MRPS22: variants seen among roughly 807,000 people sequenced by gnomAD.
The protein encoded by MRPS22 is mitochondrial ribosomal protein S22.
A neutral mutation model predicts 44.0 loss-of-function variants in MRPS22; 30 were observed. The ratio of observed to expected loss-of-function variants is 0.68; its 90% CI spans 0.51 to 0.93. The LOEUF (loss-of-function observed/expected upper bound fraction) is 0.93. Among genes scored for constraint, MRPS22 ranks in the 40% least tolerant of loss-of-function variants. The probability of loss-of-function intolerance (pLI) is 0.00; values close to 1 mark genes in which losing one functional copy is unlikely to be tolerated. For missense variants in MRPS22, 447 were observed against 447.8 expected, an observed-to-expected ratio of 1.00 and a Z score of 0.02; for synonymous variants, 165 against 154.4, an observed-to-expected ratio of 1.07 and a Z score of -0.51.
intron 6 of MRPS22, 23 bp from the exon 7 acceptor site, chr3:139,355,659 A>T (rs773937856): frequency 6.3e-7 from 1 of 1,584,562 alleles, no homozygotes; most frequent in Admixed American, 1.7e-5. Flanking sequence ...CCCCTAGATA[A>T]CATTAAACCC....
Position 139,357,042 on chromosome 3 carries a change from C to CTAAA in MRPS22, c.*31_*34dup. ...ATATTTTAAAAATACATTTATTTTA[C>CTAAA]TAAATACTGACTACATTTCTCTGTT... On this transcript the variant is annotated 3_prime_UTR_variant, in exon 8 of 8. Transcript: ENST00000680020. 6.8e-7 allele frequency: 1 copy of CTAAA among 1,466,246 alleles called. No homozygotes were observed. Among genetic ancestry groups the CTAAA allele is most frequent in the Non-Finnish European group, 9.5e-7 (1 of 1,053,870 alleles). The allele number at this position is 1,466,246 out of a possible 1,614,324, so 90.8% of individuals were successfully genotyped here.
In MRPS22 at chr3:139,351,023, T is replaced by A; in HGVS notation, c.695T>A (p.Phe232Tyr). 1.2e-6 allele frequency: 2 copies of A among 1,614,166 alleles called. No individual in the cohort carries two copies. The highest frequency in any genetic ancestry group is 1.7e-6 in the Non-Finnish European group (2 of 1,179,996). Residue 232 changes from phenylalanine to tyrosine, a missense_variant, in exon 5 of 8, where the codon TTT (phenylalanine) becomes TAT (tyrosine). Coordinates refer to ENST00000680020, the MANE Select transcript of MRPS22 (RefSeq NM_020191.4). Reference sequence around the variant, plus strand: ...CATGTTGATGTCCTCAATCTCTGCTTTGCCCAGTTTGAGCCAGATTCCACA... The same window carrying A: ...CATGTTGATGTCCTCAATCTCTGCTATGCCCAGTTTGAGCCAGATTCCACA... ...DRHVDVLNLC[F>Y]AQFEPDSTEY...
chr3:139,351,041 A>G lies in MRPS22; in HGVS notation c.713A>G (p.Asp238Gly). 1 of 1,613,992 alleles carries G rather than the reference A, an allele frequency of 6.2e-7. No homozygotes were observed. The highest frequency in any genetic ancestry group is 8.5e-7 in the Non-Finnish European group (1 of 1,179,832). The change falls in exon 5 of 8, where the codon GAT (aspartate) becomes GGT (glycine). Residue 238 changes from aspartate to glycine, a missense_variant. Coordinates refer to ENST00000680020, the MANE Select transcript of MRPS22 (RefSeq NM_020191.4). ...LNLCFAQFEPDSTEYIKVHHK... is the reference protein window; with the variant it reads ...LNLCFAQFEPGSTEYIKVHHK... ...CTCTGCTTTGCCCAGTTTGAGCCAG[A>G]TTCCACAGAGTATATCAAGGTGAGT...
intron 1 of MRPS22, chr3:139,344,807 G>T: frequency 1.7e-6 from 1 of 592,578 alleles, no homozygotes; most frequent in Non-Finnish European, 3.0e-6. Flanking sequence ...TTGGAATAGA[G>T]GGTTGTCCCA....
At chr3:139,350,911 T>A in intron 4 of MRPS22, 66 bp from the exon 5 acceptor site, 1 of 1,314,752 alleles carries the variant, frequency 7.6e-7, no homozygotes. Flanking sequence ...AGGCCTGTCA[T>A]GACATCAGGA....
At chr3:139,347,459 C>G (rs1433996234) in intron 2 of MRPS22, among the ~76,000 whole-genome samples, 1 of 152,156 alleles carries the variant, frequency 6.6e-6, no homozygotes, top group Non-Finnish European at 1.5e-5. Flanking sequence ...GTACTGAGTG[C>G]TGCGTGGAAA....
intron 2 of MRPS22, among the ~76,000 whole-genome samples, chr3:139,347,286 T>C (rs1050895326): frequency 1.3e-5 from 2 of 152,084 alleles, no homozygotes; most frequent in African/African-American, 4.8e-5. Context: ...TCCTCTCTCC[T>C]CTCAAGGCAG....
rs3830347 is a variant in MRPS22 at position 139,355,961 on chromosome 3, AAC to A, written c.987+173_987+174del. Reference sequence around the variant, plus strand: ...ATATTTCTTCAGCCTGGACAATAGAAACAGACAGGGGAGGGGGGTAAAGTGCA... The same window carrying A: ...ATATTTCTTCAGCCTGGACAATAGAAAGACAGGGGAGGGGGGTAAAGTGCA... On this transcript the variant is annotated intron_variant, in intron 7 of 7. Transcript: ENST00000680020. 0.026 allele frequency among the ~76,000 whole-genome samples: 3,919 copies of A among 152,280 alleles called. 79 individuals are homozygous for A. The highest frequency in any genetic ancestry group is 0.037 in the Middle Eastern group (11 of 294).
At chr3:139,347,732 C>CT (rs774410401) in intron 2 of MRPS22, among the ~76,000 whole-genome samples, 79 of 152,172 alleles carry the variant, frequency 5.2e-4, no homozygotes, top group Non-Finnish European at 9.4e-4. Flanking sequence ...TACTTAACAT[C>CT]TGTATGCCTC....
At chr3:139,355,547 G>C (rs1005781714) in intron 6 of MRPS22, 135 bp from the exon 7 acceptor site, 4 of 768,140 alleles carry the variant, frequency 5.2e-6, no homozygotes, top group Non-Finnish European at 9.0e-6. Context: ...CTGTAAAACT[G>C]AAGGTCCTTC....
At chr3:139,348,081 A>T in intron 2 of MRPS22, 79 bp from the exon 3 acceptor site, 3 of 1,453,078 alleles carry the variant, frequency 2.1e-6, no homozygotes, top group Admixed American at 1.9e-5. Context: ...TGCATTTTTT[A>T]TTAGTATGTG....
rs1041409811 is a variant in MRPS22, at chr3:139,353,711, C to G, written c.878+919C>G. On this transcript the variant is annotated intron_variant, in intron 6 of 7. Coordinates refer to ENST00000680020, the MANE Select transcript of MRPS22 (RefSeq NM_020191.4). ...ATTCCTAATGATGATGATTTCCAGG[C>G]TAGCCCATTTCACCAGCATATGTAG... is the stretch of plus-strand genomic sequence containing the variant. Among the ~76,000 whole-genome samples, 5 of 152,162 alleles carry G rather than the reference C, an allele frequency of 3.3e-5. 1 individual carries two copies. Among genetic ancestry groups the G allele is most frequent in the Admixed American group, 1.3e-4 (2 of 15,278 alleles).
intron 5 of MRPS22, 47 bp from the exon 6 acceptor site, chr3:139,352,600 T>C (rs756246802): frequency 1.9e-6 from 3 of 1,569,788 alleles, no homozygotes; most frequent in Non-Finnish European, 1.8e-6. Flanking sequence ...TAATGCTGCA[T>C]ACTTCTTATT....
Position 139,346,953 on chromosome 3 carries a change from C to G in MRPS22, c.248C>G (p.Thr83Arg), listed in dbSNP as rs1941049024. 8 of 1,614,042 alleles carry G rather than the reference C, an allele frequency of 5.0e-6. 1 individual carries two copies. The Admixed American group carries it at 1.0e-4, about 20-fold the overall frequency. ...GTTCAAAGCATACTCACGAAAATGA[C>G]AGGCTTGAACTTGCAGAAGACTTTT... ...EEVQSILTKM[T>R]GLNLQKTFKP... The change falls in exon 2 of 8, where the codon ACA becomes AGA. Residue 83 changes from threonine (T) to arginine (R), a missense_variant. Coordinates refer to ENST00000680020, the MANE Select transcript of MRPS22 (RefSeq NM_020191.4).
intron 6 of MRPS22, among the ~76,000 whole-genome samples, chr3:139,354,400 AG>A (rs1304058322): frequency 2.0e-5 from 3 of 152,266 alleles, no homozygotes; most frequent in Non-Finnish European, 4.4e-5. Flanking sequence ...AACAGGTAGC[AG>A]TCCAGTTAAG....
Position 139,356,822 on chromosome 3 carries a change from T to A in MRPS22, c.988-97T>A. Reference sequence around the variant, plus strand: ...GAAAGCCCTTTTTAAGTAGGACTCTTTGCTACTACAGAAATGCTAATGATG... The same window carrying A: ...GAAAGCCCTTTTTAAGTAGGACTCTATGCTACTACAGAAATGCTAATGATG... On this transcript the variant is annotated intron_variant, in intron 7 of 7. Coordinates refer to ENST00000680020, the MANE Select transcript of MRPS22 (RefSeq NM_020191.4). 3.5e-6 allele frequency: 3 copies of A among 846,744 alleles called. No individual in the cohort carries two copies. In the East Asian group the frequency reaches 8.0e-5, roughly 23 times the overall value. The allele number at this position is 846,744 out of a possible 1,614,324, so 52.5% of individuals were successfully genotyped here.
At chr3:139,344,308 C>T (rs979554002) in intron 1 of MRPS22, 110 bp downstream of exon 1, 24 of 1,200,780 alleles carry the variant, frequency 2.0e-5, no homozygotes, top group Non-Finnish European at 2.6e-5. Context: ...CCTAGCGCTT[C>T]CTCAGATTCA....
Position 139,344,167 on chromosome 3 carries a change from G to A in MRPS22, c.141G>A (p.Gly47=). 1 of 1,610,790 alleles carries A rather than the reference G, an allele frequency of 6.2e-7. No homozygotes were observed. Among genetic ancestry groups the A allele is most frequent in the Middle Eastern group, 1.8e-4 (1 of 5,706 alleles). The part of the protein sequence containing the change: ...LQPLPCSFEM[G]LPRRRFSSEA... The stretch of plus-strand genomic sequence containing the variant: ...CGCTACCTTGCTCTTTCGAGATGGG[G>A]CTGCCACGCCGCCGGTTCAGCTCCG... Residue 47 remains glycine (G), a synonymous_variant, in exon 1 of 8, where the codon GGG becomes GGA. Transcript: ENST00000680020.
intron 3 of MRPS22, chr3:139,349,439 G>T (rs1941106712): frequency 2.9e-6 from 1 of 342,800 alleles, no homozygotes; most frequent in African/African-American, 2.2e-5. Context: ...AATCAGGTGT[G>T]TATCAATTAT....
Sources: gnomAD v4.1 joint callset for allele counts (sites outside exome capture counted in the v4.1 genomes callset) on GRCh38, gnomAD v4.1.1 for gene constraint, MANE v1.5 for transcripts, NCBI Gene and HGNC (gene_info 2026-07-23, HGNC 2026-07-21) for gene names.